Variants in CYYR1 observed in about 807,000 individuals in gnomAD.
CYYR1 encodes the protein cysteine and tyrosine rich 1.
In CYYR1, 14 loss-of-function variants were observed where a neutral mutation model predicts 15.2. The ratio of observed to expected loss-of-function variants is 0.92; its 90% CI spans 0.61 to 1.44. The LOEUF (loss-of-function observed/expected upper bound fraction) is 1.44, where lower values mean the gene tolerates loss of function less well. Among genes scored for constraint, CYYR1 ranks in the 40% most tolerant of loss-of-function variants. CYYR1 has a pLI of 0.00. For missense variants in CYYR1, 228 were observed against 209.5 expected, an observed-to-expected ratio of 1.09 and a Z score of -0.54; for synonymous variants, 80 against 77.4, an observed-to-expected ratio of 1.03 and a Z score of -0.18.
At position 26,524,780 on chromosome 21, in the gene CYYR1, C is replaced by T. The variant is rs139178557; in HGVS notation, c.176+41486G>A. ...CTGCCATGAGCATTTTGTCACTTTG[C>T]TCCACATATTTTGTTTTTTTAAGAA... On this transcript the variant is annotated intron_variant, in intron 2 of 3. Coordinates refer to ENST00000652641, the MANE Select transcript of CYYR1 (RefSeq NM_001320768.2). 1.4e-3 allele frequency among the ~76,000 whole-genome samples: 182 copies of T among 126,478 alleles called. 2 individuals are homozygous for T. Among genetic ancestry groups the T allele is most frequent in the African/African-American group, 5.2e-3 (176 of 33,568 alleles). The allele number at this position is 126,478 out of a possible 152,430, so 83.0% of individuals were successfully genotyped here. A position where few individuals can be genotyped will look rare whatever the true frequency, so the allele number is the denominator to read the frequency against.
intron 2 of CYYR1, chr21:26,503,630 T>A (rs1334647012): frequency 6.6e-6 from 1 of 152,166 alleles, no homozygotes; most frequent in Non-Finnish European, 1.5e-5. Context: ...TTGAAGAACA[T>A]CCACTGCTGT....
intron 2 of CYYR1, among the ~76,000 whole-genome samples, chr21:26,514,294 G>C (rs142154997): frequency 1.3e-5 from 2 of 152,260 alleles, no homozygotes; most frequent in East Asian, 3.9e-4. Flanking sequence ...CCTAATGGGA[G>C]GTGTTTTGGT....
At chr21:26,521,950 T>A (rs918180557) in intron 2 of CYYR1, among the ~76,000 whole-genome samples, 1 of 152,206 alleles carries the variant, frequency 6.6e-6, no homozygotes, top group African/African-American at 2.4e-5. Context: ...GGACCTGTGG[T>A]GGTATGGATT....
chr21:26,492,911 A>G (rs137993521), intron 2 of CYYR1, among the ~76,000 whole-genome samples: 90 of 152,224 alleles, frequency 5.9e-4, no homozygotes, highest in African/African-American at 2.1e-3. Context: ...GACGGCATCT[A>G]TCATATATGT....
In CYYR1 at chr21:26,467,831, A is replaced by G. The variant is rs2064987116; in HGVS notation, c.*670T>C. 6.5e-6 allele frequency: 1 copy of G among 153,780 alleles called. No individual in the cohort carries two copies. Among genetic ancestry groups the G allele is most frequent in the Non-Finnish European group, 1.4e-5 (1 of 69,142 alleles). 9.5% of individuals were successfully genotyped at this position (153,780 alleles called of 1,614,324 possible). A position where few individuals can be genotyped will look rare whatever the true frequency, so the allele number is the denominator to read the frequency against. The stretch of plus-strand genomic sequence containing the variant: ...CTGGACATATAGAAATTCACTTCAC[A>G]CCCACCTAAAATACGAGCAGAACTT... On this transcript the variant is annotated 3_prime_UTR_variant, in exon 4 of 4. Transcript: ENST00000652641.
At chr21:26,549,103 T>C (rs540396037) in intron 2 of CYYR1, among the ~76,000 whole-genome samples, 2 of 152,026 alleles carry the variant, frequency 1.3e-5, no homozygotes, top group East Asian at 3.9e-4. Context: ...CGTTGACTAA[T>C]TGAAACACAT....
intron 2 of CYYR1, among the ~76,000 whole-genome samples, chr21:26,513,525 A>C (rs916084035): frequency 6.6e-6 from 1 of 152,144 alleles, no homozygotes. Context: ...AGTTCCATAA[A>C]AAGCAAGGTT....
chr21:26,521,510 A>C (rs569525858), intron 2 of CYYR1, among the ~76,000 whole-genome samples: 1 of 152,380 alleles, frequency 6.6e-6, no homozygotes, highest in South Asian at 2.1e-4. Context: ...AAGAAACATC[A>C]GGACTAATTT....
chr21:26,467,135 G>A lies in CYYR1; in HGVS notation c.*1366C>T, dbSNP rs1295294315. On this transcript the variant is annotated 3_prime_UTR_variant, in exon 4 of 4. Coordinates refer to ENST00000652641, the MANE Select transcript of CYYR1 (RefSeq NM_001320768.2). ...AATTTTGATGATGATATTGGATTAA[G>A]CATTTTAGATTTAATTGTAAAATGA... The A allele has an allele frequency of 2.0e-5, 3 of 152,076 alleles. No homozygotes were observed. The highest frequency in any genetic ancestry group is 7.2e-5 in the African/African-American group (3 of 41,410). The allele number at this position is 152,076 out of a possible 1,614,324, so 9.4% of individuals were successfully genotyped here. A position where few individuals can be genotyped will look rare whatever the true frequency, so the allele number is the denominator to read the frequency against.
At chr21:26,506,904 T>A (rs1023885696) in intron 2 of CYYR1, among the ~76,000 whole-genome samples, 1 of 152,078 alleles carries the variant, frequency 6.6e-6, no homozygotes, top group African/African-American at 2.4e-5. Flanking sequence ...AAAAAGCTGA[T>A]CACAGAGAAA....
rs181301421 is a variant in CYYR1, at chr21:26,566,493, G to A, written c.74-125C>T. 3.5e-4 allele frequency: 243 copies of A among 702,276 alleles called. 2 individuals are homozygous for A. The highest frequency in any genetic ancestry group is 1.9e-3 in the South Asian group (102 of 54,800). 43.5% of individuals were successfully genotyped at this position (702,276 alleles called of 1,614,324 possible). ...TTAGTGGTTTTAAATCTTCATTTTC[G>A]TCCTCAGAATTCAAAAACATTTGTA... On this transcript the variant is annotated intron_variant, in intron 1 of 3. Coordinates refer to ENST00000652641, the MANE Select transcript of CYYR1 (RefSeq NM_001320768.2).
intron 2 of CYYR1, among the ~76,000 whole-genome samples, chr21:26,507,666 A>G (rs973910818): frequency 5.9e-5 from 9 of 152,358 alleles, no homozygotes; most frequent in African/African-American, 2.2e-4. Flanking sequence ...GCCAAAAAAC[A>G]GGCAGCCACC....
intron 2 of CYYR1, among the ~76,000 whole-genome samples, chr21:26,513,956 C>A (rs1020134339): frequency 6.6e-6 from 1 of 151,082 alleles, no homozygotes; most frequent in Non-Finnish European, 1.5e-5. Flanking sequence ...GGAGATATAC[C>A]TAATGTAAAT....
At chr21:26,480,142 A>T in intron 3 of CYYR1, 130 bp downstream of exon 3, 2 of 914,752 alleles carry the variant, frequency 2.2e-6, no homozygotes, top group Non-Finnish European at 1.6e-6. Flanking sequence ...ACTTCAATCT[A>T]CATGTACCTA....
chr21:26,499,477 A>C (rs1042690614), intron 2 of CYYR1, among the ~76,000 whole-genome samples: 2 of 152,200 alleles, frequency 1.3e-5, no homozygotes, highest in African/African-American at 2.4e-5. Flanking sequence ...CAAGAGAATA[A>C]ATTTCTGTTG....
At chr21:26,468,988 A>G (rs567923123) in intron 3 of CYYR1, among the ~76,000 whole-genome samples, 1 of 152,144 alleles carries the variant, frequency 6.6e-6, no homozygotes, top group African/African-American at 2.4e-5. Flanking sequence ...GACAATGAGG[A>G]GTGCGGTTAT....
chr21:26,483,156 GTTATC>G (rs1471937052), intron 2 of CYYR1, among the ~76,000 whole-genome samples: 2 of 152,002 alleles, frequency 1.3e-5, no homozygotes, highest in Non-Finnish European at 2.9e-5. Flanking sequence ...TTAAATTACA[GTTATC>G]TTATTTTTAA....
intron 2 of CYYR1, among the ~76,000 whole-genome samples, chr21:26,496,197 G>A (rs1390331856): frequency 1.1e-4 from 17 of 152,206 alleles, no homozygotes; most frequent in Non-Finnish European, 1.5e-5. Context: ...TACGTAGCTA[G>A]ATTGGGAATC....
intron 1 of CYYR1, among the ~76,000 whole-genome samples, chr21:26,566,931 C>T (rs1380427920): frequency 6.6e-6 from 1 of 150,720 alleles, no homozygotes; most frequent in Non-Finnish European, 1.5e-5. Flanking sequence ...ATTACTTGAA[C>T]CCAGGAGATG....
Sources: allele counts gnomAD v4.1 joint callset (sites outside exome capture counted in the v4.1 genomes callset), GRCh38; gene constraint gnomAD v4.1.1; transcripts MANE v1.5; gene names NCBI Gene and HGNC (gene_info 2026-07-23, HGNC 2026-07-21).